Variants in SYN3 observed in about 807,000 individuals in gnomAD.
SYN3 encodes the protein synapsin-3.
SYN3 carries 35 observed loss-of-function variants against 65.8 expected under a neutral mutation model. That is an observed-to-expected ratio of 0.53 (90% confidence interval 0.41 to 0.70). SYN3 has a LOEUF of 0.70. SYN3 is among the 30% of genes least tolerant of loss of function. The probability of loss-of-function intolerance (pLI) is 0.00; values close to 1 mark genes in which losing one functional copy is unlikely to be tolerated. For synonymous variants in SYN3, 270 were observed against 292.9 expected (o/e 0.92, Z 0.80); for missense variants, 680 against 749.0 (o/e 0.91, Z 1.08).
intron 6 of SYN3, among the ~76,000 whole-genome samples, chr22:32,841,156 G>A (rs2146196658): frequency 6.6e-6 from 1 of 152,308 alleles, no homozygotes; most frequent in South Asian, 2.1e-4. Context: ...ATACATATGA[G>A]GTGCCTGTTA....
chr22:32,596,021 G>A (rs1203510609), intron 7 of SYN3, among the ~76,000 whole-genome samples: 1 of 152,150 alleles, frequency 6.6e-6, no homozygotes, highest in Non-Finnish European at 1.5e-5. Flanking sequence ...AGGCTGTAGT[G>A]AGCCGAGATC....
In SYN3 at chr22:32,604,066, C is replaced by A. The variant is rs73399265; in HGVS notation, c.712-7330G>T. ...GAAGCCCAGGTCAGCCTAGTCACAG[C>A]CGCATCCTCAATCCACAGAGTCAGA... is the stretch of plus-strand genomic sequence containing the variant. On this transcript the variant is annotated intron_variant, in intron 6 of 13. Coordinates refer to ENST00000358763, the MANE Select transcript of SYN3 (RefSeq NM_003490.4). Among the ~76,000 whole-genome samples, 650 of 152,350 alleles carry A rather than the reference C, an allele frequency of 4.3e-3. 7 individuals are homozygous for A. The highest frequency in any genetic ancestry group is 0.015 in the African/African-American group (617 of 41,584).
intron 6 of SYN3, among the ~76,000 whole-genome samples, chr22:32,758,364 T>C (rs1335354493): frequency 6.6e-6 from 1 of 151,928 alleles, no homozygotes. Flanking sequence ...TGATCCTGCG[T>C]GTGTCTGTGA....
At chr22:32,785,244 C>A (rs1284941816) in intron 6 of SYN3, among the ~76,000 whole-genome samples, 1 of 152,128 alleles carries the variant, frequency 6.6e-6, no homozygotes, top group Non-Finnish European at 1.5e-5. Context: ...GTGATAGAGC[C>A]AGAGTTAGAA....
intron 6 of SYN3, among the ~76,000 whole-genome samples, chr22:32,680,472 C>T (rs954853379): frequency 2.6e-5 from 4 of 152,150 alleles, no homozygotes; most frequent in South Asian, 2.1e-4. Flanking sequence ...GCATCTAGTT[C>T]AGTGTGTTTT....
chr22:32,699,372 G>A (rs925183802), intron 6 of SYN3, among the ~76,000 whole-genome samples: 1 of 152,222 alleles, frequency 6.6e-6, no homozygotes, highest in African/African-American at 2.4e-5. Flanking sequence ...TCTTGCCAAT[G>A]GGCAGGGAGG....
chr22:32,862,168 A>G (rs1601569997), intron 6 of SYN3: 1 of 152,166 alleles, frequency 6.6e-6, no homozygotes, highest in South Asian at 2.1e-4. Context: ...CATTTACTTC[A>G]CCCCAAGTCC....
At position 32,859,242 on chromosome 22, in the gene SYN3, C is replaced by T; in HGVS notation, c.711+5673G>A. 1 of 1,614,208 alleles carries T rather than the reference C, an allele frequency of 6.2e-7. No individual in the cohort carries two copies. On this transcript the variant is annotated intron_variant, in intron 6 of 13. Coordinates refer to ENST00000358763, the MANE Select transcript of SYN3 (RefSeq NM_003490.4). ...CCAAGAACGAGTGTCTCTGGACCGACATGCTCTCCAATTTCGGTTACCCTG... is the reference window on the plus strand; with the variant it reads ...CCAAGAACGAGTGTCTCTGGACCGATATGCTCTCCAATTTCGGTTACCCTG...
chr22:32,895,853 G>A (rs548944782), intron 4 of SYN3, among the ~76,000 whole-genome samples: 20 of 152,236 alleles, frequency 1.3e-4, no homozygotes, highest in South Asian at 6.2e-4. Flanking sequence ...TAGGCTGCTC[G>A]GCTTAGAAGC....
intron 6 of SYN3, among the ~76,000 whole-genome samples, chr22:32,663,308 T>TCTTC (rs60292980): frequency 2.4e-5 from 2 of 82,434 alleles, no homozygotes; most frequent in African/African-American, 1.7e-4. Context: ...TTTTCTTCTC[T>TCTTC]TTTTTTTTTT....
rs555294939 is a variant in SYN3, at chr22:33,006,372, G to A, written c.291C>T (p.Ile97=). 2.1e-5 allele frequency: 34 copies of A among 1,612,610 alleles called. No homozygotes were observed. The South Asian group carries it at 2.4e-4, about 11-fold the overall frequency. The change falls in exon 2 of 14, where the codon ATC becomes ATT. Residue 97 remains isoleucine, a synonymous_variant. Transcript: ENST00000358763. ...CTTACCAGTCTGTATGGGCATCATC[G>A]ATCACCAACAGGATCCTGGGTCTTT... ...IVQRPRILLV[I]DDAHTDWSKY...
chr22:32,821,725 G>T (rs2047252233), intron 6 of SYN3, among the ~76,000 whole-genome samples: 1 of 152,180 alleles, frequency 6.6e-6, no homozygotes, highest in South Asian at 2.1e-4. Flanking sequence ...CCTGAACCAG[G>T]TATTTGTCAC....
At chr22:32,721,699 A>C (rs538642384) in intron 6 of SYN3, among the ~76,000 whole-genome samples, 1 of 152,348 alleles carries the variant, frequency 6.6e-6, no homozygotes, top group East Asian at 1.9e-4. Flanking sequence ...GAAAACATGC[A>C]CTTTTCTCAG....
At chr22:32,740,216 G>A (rs57302045) in intron 6 of SYN3, among the ~76,000 whole-genome samples, 2,313 of 152,318 alleles carry the variant, frequency 0.015, 65 homozygotes, top group African/African-American at 0.053. Context: ...TTTGGTGCTT[G>A]TTCATTCACT....
intron 6 of SYN3, among the ~76,000 whole-genome samples, chr22:32,615,874 G>A (rs771104461): frequency 3.9e-5 from 6 of 152,238 alleles, no homozygotes; most frequent in Non-Finnish European, 8.8e-5. Flanking sequence ...GTACGACAGG[G>A]ACAGCTTCTC....
At chr22:32,652,711 C>G (rs1157966781) in intron 6 of SYN3, among the ~76,000 whole-genome samples, 1 of 152,054 alleles carries the variant, frequency 6.6e-6, no homozygotes, top group African/African-American at 2.4e-5. Context: ...TGTCAGAGAC[C>G]ATTTTGTCAA....
intron 6 of SYN3, among the ~76,000 whole-genome samples, chr22:32,741,004 G>A (rs907725452): frequency 1.3e-5 from 2 of 152,138 alleles, no homozygotes; most frequent in African/African-American, 2.4e-5. Context: ...CAGTAGGGTG[G>A]GCACTGTAGA....
At chr22:33,008,942 AAAAAAAAAAAAAAAAAAAAAAG>A (rs1358246636) in intron 1 of SYN3, among the ~76,000 whole-genome samples, 5 of 81,748 alleles carry the variant, frequency 6.1e-5, no homozygotes, top group African/African-American at 2.3e-4. Flanking sequence ...AAAAAAAAAA[AAAAAAAAAAAAAAAAAAAAAAG>A]AGAGAGAGAG....
At chr22:32,892,478 G>A (rs1216073751) in intron 4 of SYN3, among the ~76,000 whole-genome samples, 1 of 152,122 alleles carries the variant, frequency 6.6e-6, no homozygotes, top group Non-Finnish European at 1.5e-5. Context: ...CAAAACCTAT[G>A]TAAACACATA....
Sources: allele counts gnomAD v4.1 joint callset (sites outside exome capture counted in the v4.1 genomes callset), GRCh38; gene constraint gnomAD v4.1.1; transcripts MANE v1.5; gene names NCBI Gene and HGNC (gene_info 2026-07-23, HGNC 2026-07-21).